The following AP2B1 variants were observed in gnomAD, a reference collection of about 807,000 sequenced individuals.
The protein encoded by AP2B1 is adaptor related protein complex 2 subunit beta 1, also known as AP-2 complex subunit beta.
AP2B1 carries 23 observed loss-of-function variants against 102.0 expected under a neutral mutation model. The observed-to-expected ratio is 0.23, with a 90% CI of 0.16 to 0.32. The LOEUF (loss-of-function observed/expected upper bound fraction) is 0.32. AP2B1 is among the 10% of genes least tolerant of loss of function. AP2B1 has a pLI of 1.00. For missense variants in AP2B1, 541 were observed against 1,157.4 expected (o/e 0.47, Z 7.73); for synonymous variants, 381 against 421.2 (o/e 0.90, Z 1.17).
intron 2 of AP2B1, among the ~76,000 whole-genome samples, chr17:35,596,165 T>C (rs994564311): frequency 6.6e-6 from 1 of 152,242 alleles, no homozygotes; most frequent in South Asian, 2.1e-4. Context: ...TTCTGTTACA[T>C]CCTGCTTTGA....
At chr17:35,624,928 A>G (rs1376401370) in intron 6 of AP2B1, among the ~76,000 whole-genome samples, 1 of 152,152 alleles carries the variant, frequency 6.6e-6, no homozygotes, top group Non-Finnish European at 1.5e-5. Context: ...AGATATATAG[A>G]AAGTGGCTTC....
intron 13 of AP2B1, among the ~76,000 whole-genome samples, chr17:35,651,293 A>AT (rs1420744657): frequency 6.6e-6 from 1 of 151,954 alleles, no homozygotes; most frequent in Non-Finnish European, 1.5e-5. Context: ...TAAAAAAAAA[A>AT]GCCTGACTTC....
intron 14 of AP2B1, among the ~76,000 whole-genome samples, chr17:35,665,497 A>G (rs537685113): frequency 9.2e-5 from 14 of 152,170 alleles, no homozygotes; most frequent in Non-Finnish European, 2.1e-4. Flanking sequence ...AACCTACAAG[A>G]TACTGTGTGC....
At chr17:35,660,665 G>A (rs1437719291) in intron 14 of AP2B1, among the ~76,000 whole-genome samples, 4 of 151,832 alleles carry the variant, frequency 2.6e-5, no homozygotes, top group African/African-American at 9.7e-5. Flanking sequence ...TGTATTTTTA[G>A]TAGAGACGGA....
At position 35,673,031 on chromosome 17, in the gene AP2B1, T is replaced by A. The variant is rs1485318044; in HGVS notation, c.2178+1131T>A. Among the ~76,000 whole-genome samples, 7 of 152,162 alleles carry A rather than the reference T, an allele frequency of 4.6e-5. No individual in the cohort carries two copies. In the East Asian group the frequency reaches 1.3e-3, roughly 29 times the overall value. ...TTTTGAATCCGTATATCTACTGAAT[T>A]GATACACCATAATTTATTTAATCAC... On this transcript the variant is annotated intron_variant, in intron 16 of 21. Coordinates refer to ENST00000610402, the MANE Select transcript of AP2B1 (RefSeq NM_001030006.2).
intron 5 of AP2B1, among the ~76,000 whole-genome samples, chr17:35,620,709 C>G (rs2074150744): frequency 6.6e-6 from 1 of 152,078 alleles, no homozygotes; most frequent in Non-Finnish European, 1.5e-5. Context: ...CCTGGCTACT[C>G]AGGAGGCTGA....
At chr17:35,702,259 T>A (rs2076253631) in intron 18 of AP2B1, among the ~76,000 whole-genome samples, 2 of 152,122 alleles carry the variant, frequency 1.3e-5, no homozygotes, top group African/African-American at 4.8e-5. Flanking sequence ...GGTGGTACAG[T>A]TTTACAAAAA....
At chr17:35,720,545 T>TATATATATATATA (rs1568062926) in intron 21 of AP2B1, among the ~76,000 whole-genome samples, 34 of 54,370 alleles carry the variant, frequency 6.3e-4, no homozygotes, top group South Asian at 4.3e-3. Context: ...TTTATTTTAT[T>TATATATATATATA]TATATATATA....
intron 18 of AP2B1, among the ~76,000 whole-genome samples, chr17:35,697,350 G>A (rs1258026898): frequency 1.3e-5 from 2 of 152,186 alleles, no homozygotes; most frequent in Non-Finnish European, 2.9e-5. Flanking sequence ...AATTTTTTCT[G>A]TTGCTAACTT....
chr17:35,612,190 GT>G (rs2073884818), intron 5 of AP2B1, among the ~76,000 whole-genome samples: 1 of 152,160 alleles, frequency 6.6e-6, no homozygotes, highest in African/African-American at 2.4e-5. Flanking sequence ...TTCTGATATT[GT>G]TTGACTTAGC....
At chr17:35,589,994 C>G (rs1017673649) in intron 1 of AP2B1, among the ~76,000 whole-genome samples, 5 of 143,410 alleles carry the variant, frequency 3.5e-5, no homozygotes, top group South Asian at 2.2e-4. Context: ...GGCGCGATCT[C>G]GGCTCACTGC....
intron 11 of AP2B1, among the ~76,000 whole-genome samples, 179 bp from the exon 12 acceptor site, chr17:35,641,698 C>T (rs886861412): frequency 6.6e-6 from 1 of 152,166 alleles, no homozygotes; most frequent in Non-Finnish European, 1.5e-5. Context: ...CTTTGTATTT[C>T]CCACGAATAC....
chr17:35,626,556 C>T (rs2074321235), intron 6 of AP2B1, 65 bp from the exon 7 acceptor site: 6 of 1,343,296 alleles, frequency 4.5e-6, no homozygotes, highest in East Asian at 2.3e-5. Flanking sequence ...GACATATTAC[C>T]TTATAGAATG....
intron 17 of AP2B1, among the ~76,000 whole-genome samples, chr17:35,675,526 T>G (rs1372019875): frequency 6.6e-6 from 1 of 152,220 alleles, no homozygotes; most frequent in Non-Finnish European, 1.5e-5. Flanking sequence ...AGGCCAGGGC[T>G]GTTGGGAAAA....
intron 21 of AP2B1, among the ~76,000 whole-genome samples, chr17:35,720,600 T>TTTTTTTTA (rs2085357461): frequency 8.5e-6 from 1 of 118,068 alleles, no homozygotes; most frequent in Non-Finnish European, 1.7e-5. Context: ...TTTTTTTTTT[T>TTTTTTTTA]AATATAGAGA....
At chr17:35,711,593 A>G (rs1218474003) in intron 20 of AP2B1, among the ~76,000 whole-genome samples, 1 of 151,884 alleles carries the variant, frequency 6.6e-6, no homozygotes, top group African/African-American at 2.4e-5. Context: ...CTCAGCCTCC[A>G]GAGTAGCTGG....
At chr17:35,667,981 A>G (rs994946743) in intron 14 of AP2B1, among the ~76,000 whole-genome samples, 2 of 127,358 alleles carry the variant, frequency 1.6e-5, no homozygotes, top group South Asian at 4.8e-4. Flanking sequence ...TCTGTTGCCC[A>G]GGCTGTAGTG....
intron 21 of AP2B1, among the ~76,000 whole-genome samples, chr17:35,720,545 T>TTATATATATATATATATAAATA (rs2085332859): frequency 5.5e-5 from 3 of 54,354 alleles, no homozygotes; most frequent in African/African-American, 2.5e-4. Context: ...TTTATTTTAT[T>TTATATATATATATATATAAATA]TATATATATA....
intron 18 of AP2B1, 85 bp from the exon 19 acceptor site, chr17:35,709,139 G>T: frequency 8.9e-7 from 1 of 1,126,968 alleles, no homozygotes; most frequent in Non-Finnish European, 1.4e-6. Flanking sequence ...AAATAGGGAG[G>T]CCTATTTCTA....
Sources: allele counts gnomAD v4.1 joint callset (sites outside exome capture counted in the v4.1 genomes callset), GRCh38; gene constraint gnomAD v4.1.1; transcripts MANE v1.5; gene names NCBI Gene and HGNC (gene_info 2026-07-23, HGNC 2026-07-21).